The following FLRT2 variants were observed in gnomAD, a reference collection of about 807,000 sequenced individuals.
The protein encoded by FLRT2 is leucine-rich repeat transmembrane protein FLRT2.
FLRT2 carries 15 observed loss-of-function variants against 40.0 expected under a neutral mutation model. The ratio of observed to expected loss-of-function variants is 0.38; its 90% confidence interval spans 0.25 to 0.58. The LOEUF (loss-of-function observed/expected upper bound fraction) is 0.58, where lower values mean the gene tolerates loss of function less well. Ranked by LOEUF, FLRT2 falls within the 20% of genes least tolerant of loss-of-function variation. The pLI is 0.71. For synonymous variants in FLRT2, 380 were observed against 336.8 expected (o/e 1.13, Z -1.41); for missense variants, 726 against 840.0 (o/e 0.86, Z 1.68).
In FLRT2 at chr14:85,622,434, C is replaced by T; in HGVS notation, c.920C>T (p.Ala307Val). 1.2e-6 allele frequency: 2 copies of T among 1,614,142 alleles called. No homozygotes were observed. The highest frequency in any genetic ancestry group is 1.7e-6 in the Non-Finnish European group (2 of 1,180,018). ...CTCTCCAACCTGAAGCAGCTCACTG[C>T]TCGGAATAACCCTTGGTTTTGTGAC... ...DNLSNLKQLT[A>V]RNNPWFCDCS... The change falls in exon 2 of 2, where the codon GCT (alanine) becomes GTT (valine). Residue 307 changes from alanine (A) to valine (V), a missense_variant. Physicochemically the swap from Ala to Val is moderately conservative, Grantham distance 64. This residue lies in a region of FLRT2 where 611 missense variants were observed against 690.0 expected (regional missense o/e 0.89). Coordinates refer to ENST00000330753, the MANE Select transcript of FLRT2 (RefSeq NM_013231.6).
chr14:85,544,864 A>G (rs1415739305), intron 1 of FLRT2, among the ~76,000 whole-genome samples: 3 of 152,166 alleles, frequency 2.0e-5, no homozygotes, highest in African/African-American at 4.8e-5. Flanking sequence ...CACACATTAA[A>G]CACACTTCAA....
intron 1 of FLRT2, among the ~76,000 whole-genome samples, chr14:85,572,369 T>C (rs1890931367): frequency 6.6e-6 from 1 of 152,214 alleles, no homozygotes; most frequent in Non-Finnish European, 1.5e-5. Flanking sequence ...TGTGTACTTT[T>C]ATGTTCTTTT....
rs1320904299 is a variant in FLRT2 at position 85,632,912 on chromosome 14, G to A, written c.*9415G>A. ...ATCAGTGTACTTTTCCTAAAATGGG[G>A]ACAATGATGTCTAACACATATGGTG... On this transcript the variant is annotated 3_prime_UTR_variant, in exon 2 of 2. Transcript: ENST00000330753. 6.6e-6 allele frequency: 1 copy of A among 152,182 alleles called. No homozygotes were observed. Among genetic ancestry groups the A allele is most frequent in the African/African-American group, 2.4e-5 (1 of 41,440 alleles). 9.4% of individuals were successfully genotyped at this position (152,182 alleles called of 1,614,324 possible). A position where few individuals can be genotyped will look rare whatever the true frequency, so the allele number is the denominator to read the frequency against.
In FLRT2 at chr14:85,559,146, A is replaced by G. The variant is rs190270632; in HGVS notation, c.-377+28612A>G. 7.1e-4 allele frequency among the ~76,000 whole-genome samples: 108 copies of G among 152,296 alleles called. 1 individual carries two copies. The highest frequency in any genetic ancestry group is 2.5e-3 in the African/African-American group (102 of 41,568). ...CAGCCCCATCAACACATACTTTTTGAAAATATGCTCAGCAGAGGGGTACAA... is the reference window on the plus strand; with the variant it reads ...CAGCCCCATCAACACATACTTTTTGGAAATATGCTCAGCAGAGGGGTACAA... On this transcript the variant is annotated intron_variant, in intron 1 of 1. Coordinates refer to ENST00000330753, the MANE Select transcript of FLRT2 (RefSeq NM_013231.6).
chr14:85,593,418 A>G (rs1465633251), intron 1 of FLRT2, among the ~76,000 whole-genome samples: 2 of 152,294 alleles, frequency 1.3e-5, no homozygotes, highest in Non-Finnish European at 2.9e-5. Context: ...CAGTAAGGTT[A>G]ATTTAGAGCA....
At position 85,636,803 on chromosome 14, in the gene FLRT2, C is replaced by T. The variant is rs1405104316; in HGVS notation, c.*13306C>T. The stretch of plus-strand genomic sequence containing the variant: ...AATTAGCAGGGTATGGTGGCAGGCG[C>T]CTGTTATCCCAGCTACTTGGGAGGC... On this transcript the variant is annotated 3_prime_UTR_variant, in exon 2 of 2. Coordinates refer to ENST00000330753, the MANE Select transcript of FLRT2 (RefSeq NM_013231.6). 1 of 151,670 alleles carries T rather than the reference C, an allele frequency of 6.6e-6. No homozygotes were observed. The highest frequency in any genetic ancestry group is 1.5e-5 in the Non-Finnish European group (1 of 67,994). 9.4% of individuals were successfully genotyped at this position (151,670 alleles called of 1,614,324 possible). A position where few individuals can be genotyped will look rare whatever the true frequency, so the allele number is the denominator to read the frequency against.
intron 1 of FLRT2, among the ~76,000 whole-genome samples, chr14:85,547,765 G>A (rs2019235): frequency 0.64 from 96,769 of 152,048 alleles, 34,656 homozygotes; most frequent in Middle Eastern, 0.81. Flanking sequence ...TCCTGAGGAC[G>A]TGTGCCAGGG....
intron 1 of FLRT2, chr14:85,560,759 G>A (rs1004558582): frequency 1.3e-5 from 2 of 151,182 alleles, no homozygotes; most frequent in Non-Finnish European, 2.9e-5. Context: ...AAAAAAATTA[G>A]AAGGCACAAT....
chr14:85,641,041 T>A lies in FLRT2; in HGVS notation c.*17544T>A, dbSNP rs190431819. The A allele has an allele frequency of 2.6e-5, 4 of 152,326 alleles. No individual in the cohort carries two copies. Among genetic ancestry groups the A allele is most frequent in the African/African-American group, 9.6e-5 (4 of 41,584 alleles). 9.4% of individuals were successfully genotyped at this position (152,326 alleles called of 1,614,324 possible). ...ACATCTAGTGCATTTCTCCATAATG[T>A]GGGTGGCAATTATTCTAATCCCTTC... On this transcript the variant is annotated 3_prime_UTR_variant, in exon 2 of 2. Coordinates refer to ENST00000330753, the MANE Select transcript of FLRT2 (RefSeq NM_013231.6).
intron 1 of FLRT2, among the ~76,000 whole-genome samples, chr14:85,548,747 A>C (rs1889430029): frequency 2.4e-5 from 1 of 40,944 alleles, no homozygotes; most frequent in African/African-American, 3.8e-5. Flanking sequence ...GGGTAGAAGA[A>C]GTGTGGTCCC....
In FLRT2 at chr14:85,551,848, C is replaced by T. The variant is rs150733086; in HGVS notation, c.-377+21314C>T. Reference sequence around the variant, plus strand: ...CATATTTTTTATTTCTTAAAGTTTCCATTTTGATTATCATTTCACTTCTAT... The same window carrying T: ...CATATTTTTTATTTCTTAAAGTTTCTATTTTGATTATCATTTCACTTCTAT... On this transcript the variant is annotated intron_variant, in intron 1 of 1. Transcript: ENST00000330753. 385 of 152,104 alleles carry T rather than the reference C, an allele frequency of 2.5e-3. 2 individuals are homozygous for T. The highest frequency in any genetic ancestry group is 8.9e-3 in the African/African-American group (371 of 41,504). The allele number at this position is 152,104 out of a possible 1,614,324, so 9.4% of individuals were successfully genotyped here. A position where few individuals can be genotyped will look rare whatever the true frequency, so the allele number is the denominator to read the frequency against.
At chr14:85,566,585 G>A (rs1329369874) in intron 1 of FLRT2, among the ~76,000 whole-genome samples, 1 of 151,452 alleles carries the variant, frequency 6.6e-6, no homozygotes, top group Non-Finnish European at 1.5e-5. Context: ...GTGCAAGATA[G>A]AAATTTCTGC....
chr14:85,627,258 C>T lies in FLRT2; in HGVS notation c.*3761C>T, dbSNP rs1039751710. 3.0e-5 allele frequency: 5 copies of T among 167,012 alleles called. No individual in the cohort carries two copies. Among genetic ancestry groups the T allele is most frequent in the Non-Finnish European group, 5.9e-5 (4 of 68,106 alleles). The allele number at this position is 167,012 out of a possible 1,614,324, so 10.3% of individuals were successfully genotyped here. On this transcript the variant is annotated 3_prime_UTR_variant, in exon 2 of 2. Transcript: ENST00000330753. ...ATGGAAAAAAGATACTCACACAGAA[C>T]AAAACAGTTCTTGGTCTTGTTCTTG...
chr14:85,587,410 C>T (rs143903653), intron 1 of FLRT2, among the ~76,000 whole-genome samples: 2 of 151,926 alleles, frequency 1.3e-5, no homozygotes, highest in South Asian at 2.1e-4. Context: ...TTCAGCTGTC[C>T]GAGATTTTCC....
intron 1 of FLRT2, among the ~76,000 whole-genome samples, chr14:85,533,949 G>A (rs1888473156): frequency 6.6e-6 from 1 of 152,184 alleles, no homozygotes; most frequent in Non-Finnish European, 1.5e-5. Flanking sequence ...GGCGCTGAGC[G>A]GGATTACCAC....
chr14:85,567,958 A>G (rs1439880794), intron 1 of FLRT2, among the ~76,000 whole-genome samples: 2 of 151,924 alleles, frequency 1.3e-5, no homozygotes, highest in African/African-American at 4.8e-5. Context: ...TTTTTTCTAT[A>G]GAGATCAGGG....
chr14:85,606,115 T>C (rs1256062437), intron 1 of FLRT2, among the ~76,000 whole-genome samples: 1 of 152,236 alleles, frequency 6.6e-6, no homozygotes, highest in East Asian at 1.9e-4. Context: ...CAAATATTTC[T>C]TTATATTATA....
rs935597460 is a variant in FLRT2, at chr14:85,640,719, T to C, written c.*17222T>C. 1.3e-5 allele frequency: 2 copies of C among 152,226 alleles called. No individual in the cohort carries two copies. The highest frequency in any genetic ancestry group is 2.4e-5 in the African/African-American group (1 of 41,454). The allele number at this position is 152,226 out of a possible 1,614,324, so 9.4% of individuals were successfully genotyped here. On this transcript the variant is annotated 3_prime_UTR_variant, in exon 2 of 2. Transcript: ENST00000330753. Reference sequence around the variant, plus strand: ...CTTTGCTATTAGAGTCGAGCATCTCTGCAAAGAGATTTGAGCCCCTTGAGT... The same window carrying C: ...CTTTGCTATTAGAGTCGAGCATCTCCGCAAAGAGATTTGAGCCCCTTGAGT...
chr14:85,554,292 AT>A (rs1343175273), intron 1 of FLRT2, among the ~76,000 whole-genome samples: 11 of 152,332 alleles, frequency 7.2e-5, no homozygotes, highest in African/African-American at 2.2e-4. Context: ...CACAAAATAC[AT>A]TGTAGAAGAT....
Sources: allele counts gnomAD v4.1 joint callset (sites outside exome capture counted in the v4.1 genomes callset), GRCh38; gene constraint gnomAD v4.1.1; regional missense constraint gnomAD v4.1.1; transcripts MANE v1.5; gene names NCBI Gene and HGNC (gene_info 2026-07-23, HGNC 2026-07-21).